The following C4orf50 variants were observed in gnomAD, a reference collection of about 807,000 sequenced individuals.
C4orf50 encodes the protein chromosome 4 open reading frame 50, also known as uncharacterized protein C4orf50.
Under a neutral mutation model 77.2 loss-of-function variants are expected in C4orf50, and 80 were observed. The observed-to-expected ratio is 1.04, with a 90% CI of 0.87 to 1.25. The LOEUF (loss-of-function observed/expected upper bound fraction) is 1.25. Ranked by LOEUF, C4orf50 falls within the 50% of genes most tolerant of loss-of-function variation. C4orf50 has a pLI of 0.00. For missense variants in C4orf50, 1,257 were observed against 1,152.9 expected (o/e 1.09, Z -1.31); for synonymous variants, 532 against 465.3 (o/e 1.14, Z -1.84).
chr4:5,969,528 C>T (rs1024885161), intron 31 of C4orf50, among the ~76,000 whole-genome samples: 18 of 151,838 alleles, frequency 1.2e-4, no homozygotes, highest in African/African-American at 3.4e-4. Context: ...CTCTTTGCCC[C>T]GACTGGATGA....
chr4:5,938,715 C>T (rs1386931861), intron 7 of C4orf50, among the ~76,000 whole-genome samples: 1 of 152,074 alleles, frequency 6.6e-6, no homozygotes, highest in African/African-American at 2.4e-5. Context: ...TAATATCACA[C>T]TAATCAAGAC....
At chr4:5,953,864 A>G (rs7680750), downstream of C4orf50, among the ~76,000 whole-genome samples, 53,287 of 152,126 alleles carry the variant, frequency 0.35, 9,809 homozygotes, top group Admixed American at 0.44. Flanking sequence ...ATAGGTGGCA[A>G]GGCTTGGCCA....
chr4:5,941,126 T>C (rs937373327), intron 7 of C4orf50, among the ~76,000 whole-genome samples: 2 of 152,234 alleles, frequency 1.3e-5, no homozygotes, highest in African/African-American at 4.8e-5. Context: ...ATCTAATTTA[T>C]CTTCTTTCTT....
At chr4:5,987,418 A>AAAAAAAAAAAAAAAAAAG (rs1720931632) in intron 28 of C4orf50, among the ~76,000 whole-genome samples, 1 of 144,364 alleles carries the variant, frequency 6.9e-6, no homozygotes, top group Non-Finnish European at 1.5e-5. Flanking sequence ...CTCACAAAAA[A>AAAAAAAAAAAAAAAAAAG]AAAAAAAAAA....
At position 5,964,031 on chromosome 4, in the gene C4orf50, A is replaced by G. The variant is rs983928619; in HGVS notation, c.4275+993T>C. ...GTGCAACTAGAAAAGCTAGGGGGAA[A>G]CGTTAACAGAACATTTGTCTGAAGC... On this transcript the variant is annotated intron_variant, in intron 33 of 33. Coordinates refer to ENST00000531445, the Ensembl canonical transcript of C4orf50. 8.2e-5 allele frequency among the ~76,000 whole-genome samples: 6 copies of G among 73,040 alleles called. No individual in the cohort carries two copies. In the South Asian group the frequency reaches 1.9e-3, roughly 23 times the overall value. 47.9% of individuals were successfully genotyped at this position (73,040 alleles called of 152,430 possible).
Position 6,007,471 on chromosome 4 carries a change from C to A in C4orf50, c.963+525G>T, listed in dbSNP as rs1271989462. ...AACCAGGAAGCAGGCCCTCCCCCAA[C>A]ACCAAATCTGCTGGTGCCTTGATCT... On this transcript the variant is annotated intron_variant, in intron 25 of 33. Coordinates refer to ENST00000531445, the Ensembl canonical transcript of C4orf50. This position sits in a 1 kb window ranked among gnomAD's most constrained non-coding sequence, Gnocchi z 4.1. 6.6e-6 allele frequency among the ~76,000 whole-genome samples: 1 copy of A among 152,202 alleles called. No individual in the cohort carries two copies. The highest frequency in any genetic ancestry group is 2.4e-5 in the African/African-American group (1 of 41,456).
intron 7 of C4orf50, among the ~76,000 whole-genome samples, chr4:5,920,444 C>CATGG (rs1003139172): frequency 2.7e-5 from 4 of 150,228 alleles, no homozygotes; most frequent in African/African-American, 9.8e-5. Flanking sequence ...ATTGTCTCAG[C>CATGG]ATGGAGGATG....
intron 7 of C4orf50, among the ~76,000 whole-genome samples, chr4:5,924,840 G>A (rs1560544248): frequency 1.3e-5 from 2 of 152,242 alleles, no homozygotes; most frequent in Admixed American, 6.5e-5. Context: ...GAACAGGAAG[G>A]TGCATTATTA....
rs373417181 is a variant in C4orf50 at position 5,925,861 on chromosome 4, AGG to A, written c.*2475-27675_*2475-27674del. ...GTTCACCAGGTGATGGAAGTTGGGAAGGGGGTCTTAAGGACTGGAGAGGGCTG... is the reference window on the plus strand; with the variant it reads ...GTTCACCAGGTGATGGAAGTTGGGAAGGGTCTTAAGGACTGGAGAGGGCTG... On this transcript the variant is annotated intron_variant, in intron 7 of 7. Transcript: ENST00000324058. Among the ~76,000 whole-genome samples the A allele has an allele frequency of 4.2e-3, 647 of 152,286 alleles. 6 individuals are homozygous for A. The highest frequency in any genetic ancestry group is 0.015 in the African/African-American group (622 of 41,568).
At chr4:5,910,017 A>AT (rs944034605) in intron 7 of C4orf50, among the ~76,000 whole-genome samples, 19 of 151,582 alleles carry the variant, frequency 1.3e-4, no homozygotes, top group African/African-American at 2.7e-4. Context: ...GAATTCTAGA[A>AT]TTTTTTTTTC....
intron 7 of C4orf50, among the ~76,000 whole-genome samples, chr4:5,930,649 C>G (rs952930369): frequency 6.6e-6 from 1 of 152,212 alleles, no homozygotes; most frequent in Non-Finnish European, 1.5e-5. Flanking sequence ...CCTCTGGGGC[C>G]CCGCCCGCCC....
chr4:5,987,654 A>AGAGAGAGGAAAGGAGG (rs1214975613), intron 28 of C4orf50, among the ~76,000 whole-genome samples: 2 of 151,876 alleles, frequency 1.3e-5, no homozygotes, highest in Non-Finnish European at 1.5e-5. Context: ...AAGGAGACAC[A>AGAGAGAGGAAAGGAGG]GAGACAGGAA....
At chr4:5,946,194 C>T (rs1718474326) in intron 7 of C4orf50, among the ~76,000 whole-genome samples, 1 of 152,192 alleles carries the variant, frequency 6.6e-6, no homozygotes, top group African/African-American at 2.4e-5. Context: ...GAGCAGGACA[C>T]ACCCTCTGCT....
rs1197502525 is a variant in C4orf50 at position 5,958,778 on chromosome 4, G to T, written c.*597C>A. 1 of 152,308 alleles carries T rather than the reference G, an allele frequency of 6.6e-6. No homozygotes were observed. The highest frequency in any genetic ancestry group is 1.5e-5 in the Non-Finnish European group (1 of 68,146). 9.4% of individuals were successfully genotyped at this position (152,308 alleles called of 1,614,324 possible). A position where few individuals can be genotyped will look rare whatever the true frequency, so the allele number is the denominator to read the frequency against. On this transcript the variant is annotated 3_prime_UTR_variant, in exon 34 of 34. Coordinates refer to ENST00000531445, the Ensembl canonical transcript of C4orf50. This position sits in a 1 kb window ranked among gnomAD's most constrained non-coding sequence, Gnocchi z 5.4. ...AAATGTAAAATATATGGTGACTTAGGCGTTTCACTTAGTAGACAAAAAATC... is the reference window on the plus strand; with the variant it reads ...AAATGTAAAATATATGGTGACTTAGTCGTTTCACTTAGTAGACAAAAAATC...
At chr4:5,917,132 T>C (rs1217440390) in intron 7 of C4orf50, among the ~76,000 whole-genome samples, 1 of 152,194 alleles carries the variant, frequency 6.6e-6, no homozygotes, top group Non-Finnish European at 1.5e-5. Context: ...ATGACTACTG[T>C]ATCCTTATCC....
At chr4:5,975,115 G>C in intron 30 of C4orf50, among the ~76,000 whole-genome samples, 1 of 107,834 alleles carries the variant, frequency 9.3e-6, no homozygotes, top group Non-Finnish European at 1.8e-5. Context: ...ACTCCAGCCT[G>C]GGCGACAGAG....
chr4:5,984,780 T>A (rs1419304863), intron 28 of C4orf50, among the ~76,000 whole-genome samples: 1 of 151,592 alleles, frequency 6.6e-6, no homozygotes, highest in Non-Finnish European at 1.5e-5. Context: ...GAATGAAATA[T>A]TTGAAGAAAT....
At chr4:5,986,423 T>A (rs1720862070) in intron 28 of C4orf50, among the ~76,000 whole-genome samples, 1 of 152,142 alleles carries the variant, frequency 6.6e-6, no homozygotes, top group Admixed American at 6.5e-5. Flanking sequence ...GAAGAAATCA[T>A]AATAGAAATT....
intron 25 of C4orf50, among the ~76,000 whole-genome samples, chr4:6,004,032 A>ATG (rs1560598341): frequency 4.0e-3 from 242 of 60,826 alleles, no homozygotes; most frequent in South Asian, 7.8e-3. Flanking sequence ...ATAATGTGAT[A>ATG]GTGATGATGG....
Sources: allele counts gnomAD v4.1 joint callset (sites outside exome capture counted in the v4.1 genomes callset), GRCh38; gene constraint gnomAD v4.1.1; non-coding constraint Gnocchi (gnomAD v3.1); transcripts MANE v1.5; gene names NCBI Gene and HGNC (gene_info 2026-07-23, HGNC 2026-07-21).